Variants in DNAH14 observed in about 807,000 individuals in gnomAD.
DNAH14 encodes dynein axonemal heavy chain 14.
In DNAH14, 478 loss-of-function variants were observed where a neutral mutation model predicts 520.9. That is an observed-to-expected ratio of 0.92 (90% confidence interval 0.85 to 0.99). The LOEUF is 0.99. Ranked by LOEUF, DNAH14 falls within the 50% of genes least tolerant of loss-of-function variation. The probability of loss-of-function intolerance (pLI) is 0.00; values close to 1 mark genes in which losing one functional copy is unlikely to be tolerated. For missense variants in DNAH14, 4,831 were observed against 5,234.5 expected (o/e 0.92, Z 2.38); for synonymous variants, 1,581 against 1,757.2 (o/e 0.90, Z 2.51).
chr1:225,220,092 C>T (rs767646462), intron 41 of DNAH14, among the ~76,000 whole-genome samples: 2 of 152,004 alleles, frequency 1.3e-5, no homozygotes, highest in South Asian at 2.1e-4. Context: ...AAAAGGCCTT[C>T]GATATAATTC....
chr1:225,201,124 A>G (rs1333721076), intron 38 of DNAH14, among the ~76,000 whole-genome samples: 1 of 151,736 alleles, frequency 6.6e-6, no homozygotes, highest in Non-Finnish European at 1.5e-5. Context: ...TCGAGGTCTG[A>G]AGTTCTCCCT....
intron 11 of DNAH14, among the ~76,000 whole-genome samples, chr1:225,025,690 G>A (rs2066055708): frequency 6.6e-6 from 1 of 152,146 alleles, no homozygotes; most frequent in Non-Finnish European, 1.5e-5. Context: ...AGGAGGTTGA[G>A]ACTGCAGTGA....
In DNAH14 at chr1:225,305,071, A is replaced by T. The variant is rs747652070; in HGVS notation, c.8987A>T (p.Glu2996Val). The change falls in exon 58 of 86, where the codon GAA (glutamate) becomes GTA (valine). Residue 2996 changes from glutamate to valine, a missense_variant. Coordinates refer to ENST00000682510, the MANE Select transcript of DNAH14 (RefSeq NM_001367479.1). ...TFAHILRARE[E>V]EMQTKRDRFH... ...GCACACATTTTGAGGGCACGAGAGG[A>T]AGAGATGCAAACAAAGAGGTAAGAC... The T allele has an allele frequency of 1.2e-5, 18 of 1,534,392 alleles. 2 individuals carry two copies. In the South Asian group the frequency reaches 2.2e-4, roughly 18 times the overall value.
intron 11 of DNAH14, 119 bp from the exon 12 acceptor site, chr1:225,038,575 C>G: frequency 1.1e-6 from 1 of 948,968 alleles, no homozygotes; most frequent in Non-Finnish European, 1.5e-6. Flanking sequence ...AAGGTCTAGT[C>G]AGGTCCTTTG....
intron 71 of DNAH14, among the ~76,000 whole-genome samples, chr1:225,349,382 A>T (rs2095332845): frequency 1.3e-5 from 2 of 152,220 alleles, no homozygotes; most frequent in South Asian, 4.1e-4. Flanking sequence ...AAAGGCAATA[A>T]AAGAGGACAG....
At chr1:224,947,062 C>T (rs1037105852) in intron 1 of DNAH14, among the ~76,000 whole-genome samples, 4 of 151,808 alleles carry the variant, frequency 2.6e-5, no homozygotes, top group African/African-American at 9.7e-5. Flanking sequence ...GGATTACAGG[C>T]ATGCACCACC....
chr1:225,237,018 TTTTG>T lies in DNAH14; in HGVS notation c.6519-3563_6519-3560del, dbSNP rs201583505. Among the ~76,000 whole-genome samples the T allele has an allele frequency of 7.1e-3, 1,081 of 152,270 alleles. 8 individuals are homozygous for T. Among genetic ancestry groups the T allele is most frequent in the African/African-American group, 0.024 (1,009 of 41,568 alleles). The stretch of plus-strand genomic sequence containing the variant: ...GAAACTAGGATTGCTACCCCACTTT[TTTTG>T]TTTGTTTGTTTTCCATTTGCTTGGT... On this transcript the variant is annotated intron_variant, in intron 42 of 85. Coordinates refer to ENST00000682510, the MANE Select transcript of DNAH14 (RefSeq NM_001367479.1).
At chr1:225,275,330 T>C (rs1258253184) in intron 52 of DNAH14, among the ~76,000 whole-genome samples, 1 of 152,186 alleles carries the variant, frequency 6.6e-6, no homozygotes, top group African/African-American at 2.4e-5. Context: ...CTGTCAGTGC[T>C]ATAACGTCAG....
chr1:225,106,643 C>T (rs1255471606), intron 23 of DNAH14, among the ~76,000 whole-genome samples: 6 of 152,228 alleles, frequency 3.9e-5, no homozygotes, highest in South Asian at 2.1e-4. Context: ...TCTTCCATCA[C>T]GGATACTCTT....
At chr1:224,948,419 G>T (rs1159863431) in intron 1 of DNAH14, among the ~76,000 whole-genome samples, 5 of 151,178 alleles carry the variant, frequency 3.3e-5, no homozygotes, top group African/African-American at 1.2e-4. Flanking sequence ...ATAGTTGCCT[G>T]GTATATCTCT....
intron 55 of DNAH14, among the ~76,000 whole-genome samples, chr1:225,290,667 A>G (rs1323917667): frequency 3.0e-4 from 35 of 117,614 alleles, no homozygotes; most frequent in African/African-American, 2.9e-4. Context: ...ATATATATAT[A>G]TATATATATA....
At chr1:225,315,989 T>G (rs1300608832) in intron 60 of DNAH14, among the ~76,000 whole-genome samples, 4 of 152,206 alleles carry the variant, frequency 2.6e-5, no homozygotes, top group Admixed American at 6.5e-5. Flanking sequence ...CCCAGGCAGA[T>G]GGGAGTTTTA....
At chr1:225,246,671 A>G (rs1461626072) in intron 43 of DNAH14, among the ~76,000 whole-genome samples, 14 of 152,226 alleles carry the variant, frequency 9.2e-5, no homozygotes, top group South Asian at 2.1e-4. Flanking sequence ...AATCAAAACC[A>G]CAATGAGATG....
At chr1:225,122,106 T>C (rs1444918641) in intron 26 of DNAH14, among the ~76,000 whole-genome samples, 1 of 152,164 alleles carries the variant, frequency 6.6e-6, no homozygotes, top group Non-Finnish European at 1.5e-5. Context: ...TGCCTTAGAA[T>C]TGATGATGTA....
At chr1:225,109,585 CAGTTCTAAT>C (rs2148810360) in intron 23 of DNAH14, among the ~76,000 whole-genome samples, 1 of 152,006 alleles carries the variant, frequency 6.6e-6, no homozygotes, top group East Asian at 1.9e-4. Context: ...ACTTGTTTAT[CAGTTCTAAT>C]AGTTTTTTGG....
rs2093354532 is a variant in DNAH14, at chr1:225,273,020, C to A, written c.7905C>A (p.Leu2635=). 3.9e-6 allele frequency: 6 copies of A among 1,551,630 alleles called. No individual in the cohort carries two copies. The Admixed American group carries it at 7.8e-5, about 20-fold the overall frequency. The part of the protein sequence containing the change: ...VVNSKEMAAL[L]FVHEATRVFH... Reference sequence around the variant, plus strand: ...ACTCCAAAGAGATGGCTGCTCTGCTCTTTGTTCATGAAGCCACCCGAGTAT... The same window carrying A: ...ACTCCAAAGAGATGGCTGCTCTGCTATTTGTTCATGAAGCCACCCGAGTAT... Residue 2635 remains leucine, a synonymous_variant, in exon 52 of 86, where the codon CTC becomes CTA. Coordinates refer to ENST00000682510, the MANE Select transcript of DNAH14 (RefSeq NM_001367479.1).
intron 27 of DNAH14, among the ~76,000 whole-genome samples, chr1:225,125,786 C>G (rs1046622416): frequency 6.6e-6 from 1 of 152,172 alleles, no homozygotes; most frequent in South Asian, 2.1e-4. Context: ...GACTGTTTGG[C>G]AGAAGAGGCC....
chr1:225,020,314 T>A (rs1482249227), intron 10 of DNAH14, among the ~76,000 whole-genome samples: 6 of 151,690 alleles, frequency 4.0e-5, no homozygotes, highest in Non-Finnish European at 8.8e-5. Flanking sequence ...CTGGCCAACA[T>A]GGTGAAACCT....
chr1:225,079,696 TG>T, intron 18 of DNAH14, 148 bp downstream of exon 18: 1 of 459,082 alleles, frequency 2.2e-6, no homozygotes, highest in Non-Finnish European at 3.5e-6. Context: ...TTTTTTGAGA[TG>T]GAGTCTTGCT....
Sources: allele counts gnomAD v4.1 joint callset (sites outside exome capture counted in the v4.1 genomes callset), GRCh38; gene constraint gnomAD v4.1.1; transcripts MANE v1.5; gene names NCBI Gene and HGNC (gene_info 2026-07-23, HGNC 2026-07-21).